YES1: variants seen among roughly 807,000 people sequenced by gnomAD.
YES1 encodes the protein tyrosine-protein kinase Yes.
Under a neutral mutation model 70.4 loss-of-function variants are expected in YES1, and 39 were observed. The observed-to-expected ratio is 0.55, with a 90% CI of 0.43 to 0.72. The LOEUF (loss-of-function observed/expected upper bound fraction) is 0.72, where lower values mean the gene tolerates loss of function less well. Among genes scored for constraint, YES1 ranks in the 30% least tolerant of loss-of-function variants. The probability of loss-of-function intolerance (pLI) is 0.00; values close to 1 mark genes in which losing one functional copy is unlikely to be tolerated. For missense variants in YES1, 495 were observed against 644.8 expected (o/e 0.77, Z 2.52); for synonymous variants, 198 against 218.6 (o/e 0.91, Z 0.83).
At chr18:800,869 T>A (rs898779087) in intron 1 of YES1, among the ~76,000 whole-genome samples, 1 of 152,114 alleles carries the variant, frequency 6.6e-6, no homozygotes, top group African/African-American at 2.4e-5. Context: ...AAACAAAGGC[T>A]GGGTGTGGTG....
intron 1 of YES1, among the ~76,000 whole-genome samples, chr18:799,374 T>C (rs1034292700): frequency 6.6e-6 from 1 of 152,174 alleles, no homozygotes; most frequent in Non-Finnish European, 1.5e-5. Context: ...CTTATATCAA[T>C]GTAATATAAG....
At chr18:770,465 T>C (rs1905102922) in intron 1 of YES1, among the ~76,000 whole-genome samples, 2 of 152,108 alleles carry the variant, frequency 1.3e-5, no homozygotes, top group Admixed American at 6.6e-5. Flanking sequence ...TGTATGTTCA[T>C]TCTAGAATTC....
chr18:789,531 G>A (rs1172258102), intron 1 of YES1, among the ~76,000 whole-genome samples: 1 of 152,018 alleles, frequency 6.6e-6, no homozygotes, highest in Non-Finnish European at 1.5e-5. Context: ...TGCAATGAAT[G>A]GTGACTATGC....
chr18:771,914 T>C (rs925441823), intron 1 of YES1, among the ~76,000 whole-genome samples: 1 of 152,132 alleles, frequency 6.6e-6, no homozygotes, highest in African/African-American at 2.4e-5. Context: ...TTGGGCTCTT[T>C]TGGACTGAAG....
intron 9 of YES1, chr18:737,164 T>G (rs2080163466): frequency 1.9e-6 from 1 of 514,110 alleles, no homozygotes; most frequent in Non-Finnish European, 3.4e-6. Flanking sequence ...TTCAAAAATC[T>G]AACACTGGCT....
At chr18:752,376 C>T (rs1339416440) in intron 2 of YES1, among the ~76,000 whole-genome samples, 2 of 152,142 alleles carry the variant, frequency 1.3e-5, no homozygotes, top group African/African-American at 2.4e-5. Context: ...TCCCAAAGTG[C>T]TGGGATTACA....
chr18:808,298 A>G (rs965585708), intron 1 of YES1, among the ~76,000 whole-genome samples: 4 of 152,174 alleles, frequency 2.6e-5, no homozygotes, highest in African/African-American at 9.7e-5. Flanking sequence ...TCCTTTTGCT[A>G]AATCTGCCTC....
At position 732,840 on chromosome 18, in the gene YES1, A is replaced by T; in HGVS notation, c.1417T>A (p.Tyr473Asn). Residue 473 changes from tyrosine (Y) to asparagine (N), a missense_variant, in exon 11 of 12, where the codon TAT becomes AAT. By Grantham distance (143) the Tyr-to-Asn change is moderately radical (BLOSUM62 -2). Around this residue, in one of 2 missense-constraint regions of YES1, gnomAD observed 385 missense variants for 540.9 expected, o/e 0.71. Coordinates refer to ENST00000314574, the MANE Select transcript of YES1 (RefSeq NM_005433.4). ...TELVTKGRVP[Y>N]PGMVNREVLE... Reference sequence around the variant, plus strand: ...CTATAAAATGCAAGCTTACCTGGATATGGCACTCGGCCCTTTGTTACTAGT... The same window carrying T: ...CTATAAAATGCAAGCTTACCTGGATTTGGCACTCGGCCCTTTGTTACTAGT... The T allele has an allele frequency of 6.2e-7, 1 of 1,614,224 alleles. No individual in the cohort carries two copies. Among genetic ancestry groups the T allele is most frequent in the Non-Finnish European group, 8.5e-7 (1 of 1,180,038 alleles).
intron 1 of YES1, among the ~76,000 whole-genome samples, chr18:782,060 C>T (rs913366796): frequency 6.6e-6 from 1 of 152,128 alleles, no homozygotes; most frequent in Non-Finnish European, 1.5e-5. Context: ...CATCACTTCC[C>T]TTGCTTCCCC....
intron 1 of YES1, among the ~76,000 whole-genome samples, chr18:783,428 A>G (rs1905777331): frequency 6.6e-6 from 1 of 152,096 alleles, no homozygotes; most frequent in Admixed American, 6.6e-5. Context: ...AAATAATCAC[A>G]TAACCTATAG....
intron 1 of YES1, among the ~76,000 whole-genome samples, chr18:776,991 A>C (rs1905417019): frequency 6.6e-6 from 1 of 152,190 alleles, no homozygotes; most frequent in Admixed American, 6.5e-5. Context: ...GTTATGAAAA[A>C]CAAAAAGGCC....
chr18:749,773 T>C (rs552184480), intron 3 of YES1, among the ~76,000 whole-genome samples: 4 of 148,106 alleles, frequency 2.7e-5, no homozygotes, highest in Non-Finnish European at 5.9e-5. Flanking sequence ...GGCAGGAGAA[T>C]GGCATGAACC....
intron 4 of YES1, among the ~76,000 whole-genome samples, chr18:747,598 A>T (rs554768027): frequency 3.4e-4 from 52 of 152,220 alleles, no homozygotes; most frequent in South Asian, 8.3e-4. Flanking sequence ...GCAGGGAATG[A>T]GGATAATCAG....
chr18:809,043 T>C (rs550724036), intron 1 of YES1, among the ~76,000 whole-genome samples: 1 of 152,336 alleles, frequency 6.6e-6, no homozygotes, highest in South Asian at 2.1e-4. Flanking sequence ...TAATTGAGTT[T>C]TGAGTTTTAA....
chr18:785,417 G>C (rs529261425), intron 1 of YES1, among the ~76,000 whole-genome samples: 104 of 152,218 alleles, frequency 6.8e-4, no homozygotes, highest in Non-Finnish European at 1.3e-3. Flanking sequence ...TGAGTGTTAG[G>C]GGGGAGAAAG....
chr18:810,692 G>A (rs1033356345), intron 1 of YES1, among the ~76,000 whole-genome samples: 3 of 151,970 alleles, frequency 2.0e-5, no homozygotes, highest in Non-Finnish European at 4.4e-5. Flanking sequence ...AATCTCCACC[G>A]ACTTTTAGCT....
intron 1 of YES1, among the ~76,000 whole-genome samples, chr18:797,105 A>G (rs1224392192): frequency 1.3e-5 from 2 of 152,152 alleles, no homozygotes; most frequent in African/African-American, 4.8e-5. Flanking sequence ...AGTCTTTGCA[A>G]CATAAAGACA....
At chr18:771,249 C>T (rs1026982537) in intron 1 of YES1, among the ~76,000 whole-genome samples, 1 of 152,008 alleles carries the variant, frequency 6.6e-6, no homozygotes, top group African/African-American at 2.4e-5. Context: ...TGCCTGTAAT[C>T]CCAGCTACCT....
At chr18:739,853 T>G (rs2080197013) in intron 8 of YES1, 42 bp from the exon 9 acceptor site, 1 of 1,486,992 alleles carries the variant, frequency 6.7e-7, no homozygotes, top group Admixed American at 1.8e-5. Flanking sequence ...TAAGCAAATC[T>G]TATATTAGGA....
Sources: allele counts gnomAD v4.1 joint callset (sites outside exome capture counted in the v4.1 genomes callset), GRCh38; gene constraint gnomAD v4.1.1; regional missense constraint gnomAD v4.1.1; transcripts MANE v1.5; gene names NCBI Gene and HGNC (gene_info 2026-07-23, HGNC 2026-07-21).